COL11A1: variants seen among roughly 807,000 people sequenced by gnomAD.
The protein encoded by COL11A1 is collagen type XI alpha 1 chain, also known as collagen alpha-1(XI) chain.
In COL11A1, 74 loss-of-function variants were observed where a neutral mutation model predicts 265.2. The observed-to-expected ratio is 0.28, with a 90% CI of 0.23 to 0.34. COL11A1 has a LOEUF of 0.34. Ranked by LOEUF, COL11A1 falls within the 10% of genes least tolerant of loss-of-function variation. The probability of loss-of-function intolerance (pLI) is 1.00; values close to 1 mark genes in which losing one functional copy is unlikely to be tolerated. For synonymous variants in COL11A1, 816 were observed against 727.6 expected, an observed-to-expected ratio of 1.12 and a Z score of -1.96; for missense variants, 2,165 against 2,263.6, an observed-to-expected ratio of 0.96 and a Z score of 0.88.
At chr1:103,074,585 C>G in intron 4 of COL11A1, 33 bp downstream of exon 4, 1 of 1,609,920 alleles carries the variant, frequency 6.2e-7, no homozygotes, top group East Asian at 2.2e-5. Context: ...TCTGATTTGT[C>G]AATATTCAGC....
At chr1:102,938,555 T>C (rs1231415203) in intron 44 of COL11A1, among the ~76,000 whole-genome samples, 3 of 152,078 alleles carry the variant, frequency 2.0e-5, no homozygotes, top group African/African-American at 7.2e-5. Flanking sequence ...ATACTGGTAG[T>C]GACCAAAGAA....
intron 41 of COL11A1, among the ~76,000 whole-genome samples, chr1:102,956,930 A>T (rs1343088739): frequency 6.6e-6 from 1 of 151,834 alleles, no homozygotes; most frequent in Non-Finnish European, 1.5e-5. Context: ...AATATTCTAT[A>T]AAAAGCATAC....
rs183524578 is a variant in COL11A1, at chr1:103,066,184, A to T, written c.651+8434T>A. On this transcript the variant is annotated intron_variant, in intron 4 of 66. Transcript: ENST00000370096. ...TGATGGAAAAGTGTATCCTAGAAAAATATGGAGCTTCAGAAATAAAAGATA... is the reference window on the plus strand; with the variant it reads ...TGATGGAAAAGTGTATCCTAGAAAATTATGGAGCTTCAGAAATAAAAGATA... 1.4e-3 allele frequency among the ~76,000 whole-genome samples: 216 copies of T among 152,244 alleles called. 1 individual carries two copies. Among genetic ancestry groups the T allele is most frequent in the African/African-American group, 5.0e-3 (210 of 41,588 alleles).
At chr1:103,042,201 G>A (rs985789309) in intron 4 of COL11A1, among the ~76,000 whole-genome samples, 8 of 151,924 alleles carry the variant, frequency 5.3e-5, no homozygotes, top group African/African-American at 1.9e-4. Context: ...CTATGAATAG[G>A]AGGAAAATAA....
intron 41 of COL11A1, among the ~76,000 whole-genome samples, chr1:102,957,344 T>C (rs901296426): frequency 2.0e-5 from 3 of 152,074 alleles, no homozygotes. Context: ...TTGGGACACA[T>C]ACAAACTTTG....
At chr1:102,957,231 AATAG>A (rs1269225032) in intron 41 of COL11A1, among the ~76,000 whole-genome samples, 2 of 152,102 alleles carry the variant, frequency 1.3e-5, no homozygotes, top group Non-Finnish European at 2.9e-5. Context: ...CTTATAAATG[AATAG>A]ATAGAACACT....
At chr1:102,878,323 A>G (rs1649757390) in intron 66 of COL11A1, among the ~76,000 whole-genome samples, 158 bp from the exon 67 acceptor site, 1 of 151,290 alleles carries the variant, frequency 6.6e-6, no homozygotes, top group African/African-American at 2.4e-5. Flanking sequence ...TTATCACTGT[A>G]TAGTTCTAAA....
At chr1:103,006,371 A>G in intron 15 of COL11A1, 56 bp from the exon 16 acceptor site, 2 of 1,359,276 alleles carry the variant, frequency 1.5e-6, no homozygotes, top group Non-Finnish European at 2.1e-6. Context: ...CAATAAACTC[A>G]ATAGCATCAA....
intron 64 of COL11A1, 56 bp from the exon 65 acceptor site, chr1:102,881,821 G>A: frequency 4.8e-6 from 6 of 1,257,130 alleles, no homozygotes; most frequent in Non-Finnish European, 6.9e-6. Context: ...AATATAAACA[G>A]TATTTTTATA....
intron 41 of COL11A1, among the ~76,000 whole-genome samples, chr1:102,957,570 A>C (rs1207363371): frequency 3.9e-5 from 6 of 152,112 alleles, no homozygotes; most frequent in African/African-American, 1.4e-4. Flanking sequence ...TAAAAAATCA[A>C]CCTGTATATT....
chr1:103,076,851 C>T (rs746858377), intron 3 of COL11A1, among the ~76,000 whole-genome samples: 1 of 152,070 alleles, frequency 6.6e-6, no homozygotes, highest in Admixed American at 6.6e-5. Context: ...GACTGCCAGC[C>T]AAGCGGTGGC....
chr1:103,066,395 A>G (rs1671148369), intron 4 of COL11A1, among the ~76,000 whole-genome samples: 1 of 152,094 alleles, frequency 6.6e-6, no homozygotes, highest in East Asian at 1.9e-4. Context: ...TCTGCATTAC[A>G]TACATACAAT....
chr1:103,104,740 C>T (rs1269525963), intron 1 of COL11A1, among the ~76,000 whole-genome samples: 1 of 152,104 alleles, frequency 6.6e-6, no homozygotes, highest in South Asian at 2.1e-4. Flanking sequence ...TAGTCCTGAT[C>T]AATTTTGAAT....
rs1649558734 is a variant in COL11A1 at position 102,876,864 on chromosome 1, A to C, written c.*1155T>G. On this transcript the variant is annotated 3_prime_UTR_variant, in exon 67 of 67. Transcript: ENST00000370096. ...TCTTAATAACAGTCCACCATATGTTATTCATTTAGCAATTAGGTAGGTCAA... is the reference window on the plus strand; with the variant it reads ...TCTTAATAACAGTCCACCATATGTTCTTCATTTAGCAATTAGGTAGGTCAA... 1 of 152,284 alleles carries C rather than the reference A, an allele frequency of 6.6e-6. No individual in the cohort carries two copies. The highest frequency in any genetic ancestry group is 2.4e-5 in the African/African-American group (1 of 41,466). The allele number at this position is 152,284 out of a possible 1,614,324, so 9.4% of individuals were successfully genotyped here.
At chr1:103,065,611 C>A (rs535833156) in intron 4 of COL11A1, among the ~76,000 whole-genome samples, 2 of 146,464 alleles carry the variant, frequency 1.4e-5, no homozygotes, top group Non-Finnish European at 3.0e-5. Flanking sequence ...CAGATGCCAA[C>A]CCTGAGATAG....
At chr1:102,882,584 G>T (rs190174089) in intron 64 of COL11A1, among the ~76,000 whole-genome samples, 2 of 152,050 alleles carry the variant, frequency 1.3e-5, no homozygotes, top group African/African-American at 4.8e-5. Context: ...CATTTACTAG[G>T]AAGAATGAGA....
intron 24 of COL11A1, chr1:103,001,426 GAAAAAGACA>G: frequency 4.9e-6 from 2 of 405,606 alleles, no homozygotes; most frequent in Admixed American, 4.1e-5. Flanking sequence ...GGAGATCAGG[GAAAAAGACA>G]TGTGTTTAAT....
intron 4 of COL11A1, among the ~76,000 whole-genome samples, chr1:103,060,301 C>G (rs1670571447): frequency 6.6e-6 from 1 of 152,010 alleles, no homozygotes; most frequent in African/African-American, 2.4e-5. Context: ...CTCAGACAAA[C>G]AAAAATTGAG....
intron 2 of COL11A1, 152 bp downstream of exon 2, chr1:103,082,653 T>A: frequency 1.5e-6 from 1 of 681,348 alleles, no homozygotes; most frequent in Non-Finnish European, 2.4e-6. Context: ...GTGTCTGATA[T>A]AAGAAAGAAT....
Sources: allele counts gnomAD v4.1 joint callset (sites outside exome capture counted in the v4.1 genomes callset), GRCh38; gene constraint gnomAD v4.1.1; transcripts MANE v1.5; gene names NCBI Gene and HGNC (gene_info 2026-07-23, HGNC 2026-07-21).